The following PACRG variants were observed in gnomAD, a reference collection of about 807,000 sequenced individuals.
PACRG encodes the protein parkin coregulated, also known as parkin coregulated gene protein.
Under a neutral mutation model 29.7 loss-of-function variants are expected in PACRG, and 29 were observed. The ratio of observed to expected loss-of-function variants is 0.98; its 90% confidence interval spans 0.73 to 1.33. The LOEUF is 1.33. PACRG is among the 40% of genes most tolerant of loss of function. PACRG has a pLI of 0.00. For missense variants in PACRG, 279 were observed against 316.2 expected (o/e 0.88, Z 0.89); for synonymous variants, 116 against 118.7 (o/e 0.98, Z 0.15).
intron 4 of PACRG, among the ~76,000 whole-genome samples, chr6:163,279,217 A>C (rs140844501): frequency 0.011 from 1,699 of 152,234 alleles, 34 homozygotes; most frequent in African/African-American, 0.039. Flanking sequence ...ATTCCTTTAC[A>C]AGTTCTAGAA....
At chr6:162,736,818 A>G (rs747997216) in intron 1 of PACRG, among the ~76,000 whole-genome samples, 10 of 152,156 alleles carry the variant, frequency 6.6e-5, no homozygotes, top group Non-Finnish European at 1.2e-4. Context: ...AATACCTTAT[A>G]TGGAATTTTA....
At chr6:162,981,773 T>G (rs1489230807) in intron 2 of PACRG, among the ~76,000 whole-genome samples, 6 of 151,980 alleles carry the variant, frequency 3.9e-5, no homozygotes, top group Non-Finnish European at 1.5e-5. Context: ...GATATATTCC[T>G]AAGTATTTTA....
rs146050916 is a variant in PACRG, at chr6:162,896,927, C to A, written c.291+82646C>A. ...AATAGGCTCTCAGGTTATTAGACAA[C>A]TTAATTAATGAAGAGAAGTGGTGCA... is the stretch of plus-strand genomic sequence containing the variant. On this transcript the variant is annotated intron_variant, in intron 2 of 4. Coordinates refer to ENST00000366888, the MANE Select transcript of PACRG (RefSeq NM_001080379.2). 3.4e-3 allele frequency among the ~76,000 whole-genome samples: 522 copies of A among 152,302 alleles called. 2 individuals are homozygous for A. Among genetic ancestry groups the A allele is most frequent in the African/African-American group, 0.012 (500 of 41,556 alleles).
At chr6:162,950,946 A>C (rs1799603380) in intron 2 of PACRG, among the ~76,000 whole-genome samples, 1 of 152,222 alleles carries the variant, frequency 6.6e-6, no homozygotes. Context: ...ACAGCTTTTA[A>C]TTAATATAAA....
intron 4 of PACRG, among the ~76,000 whole-genome samples, chr6:163,226,161 T>A (rs1209591270): frequency 6.6e-6 from 1 of 152,120 alleles, no homozygotes; most frequent in East Asian, 1.9e-4. Flanking sequence ...AAAGTCAAAT[T>A]CATAGAAGCA....
At chr6:162,786,723 G>GT (rs34982424) in intron 1 of PACRG, among the ~76,000 whole-genome samples, 145 of 148,056 alleles carry the variant, frequency 9.8e-4, no homozygotes, top group Admixed American at 1.5e-3. Context: ...ATAGCAAGTG[G>GT]TTTTTTTTTT....
At chr6:162,820,198 A>T (rs777673579) in intron 2 of PACRG, among the ~76,000 whole-genome samples, 1 of 152,216 alleles carries the variant, frequency 6.6e-6, no homozygotes, top group Non-Finnish European at 1.5e-5. Flanking sequence ...TAGATGCATA[A>T]ATCAGCCTTT....
chr6:163,271,676 G>T (rs188542710), intron 4 of PACRG, among the ~76,000 whole-genome samples: 2 of 152,102 alleles, frequency 1.3e-5, no homozygotes, highest in African/African-American at 4.8e-5. Flanking sequence ...ATGTTTGCCC[G>T]CATATTTTAA....
At chr6:162,804,408 A>T (rs1786141895) in intron 1 of PACRG, among the ~76,000 whole-genome samples, 1 of 152,030 alleles carries the variant, frequency 6.6e-6, no homozygotes, top group South Asian at 2.1e-4. Context: ...AGACAAAGAG[A>T]TTGGGGGTTA....
chr6:163,024,452 G>A (rs991374950), intron 2 of PACRG, among the ~76,000 whole-genome samples: 1 of 152,122 alleles, frequency 6.6e-6, no homozygotes, highest in Non-Finnish European at 1.5e-5. Flanking sequence ...TTTTGTACCA[G>A]TACCATGCTG....
intron 4 of PACRG, among the ~76,000 whole-genome samples, chr6:163,141,628 A>G (rs533743290): frequency 6.6e-6 from 1 of 152,232 alleles, no homozygotes; most frequent in Non-Finnish European, 1.5e-5. Context: ...AAAAATCCAT[A>G]TTAAGCTAAA....
chr6:162,933,178 T>C (rs1441164306), intron 2 of PACRG, among the ~76,000 whole-genome samples: 2 of 152,170 alleles, frequency 1.3e-5, no homozygotes, highest in Non-Finnish European at 2.9e-5. Context: ...TCAAAGTTCT[T>C]ATTATTTCTG....
At chr6:162,989,973 G>A (rs975402619) in intron 2 of PACRG, among the ~76,000 whole-genome samples, 1 of 151,398 alleles carries the variant, frequency 6.6e-6, no homozygotes, top group African/African-American at 2.4e-5. Context: ...CCACCTATGA[G>A]TGAGAATATG....
intron 1 of PACRG, among the ~76,000 whole-genome samples, chr6:162,783,213 C>T (rs1202512900): frequency 6.6e-6 from 1 of 151,802 alleles, no homozygotes; most frequent in Non-Finnish European, 1.5e-5. Context: ...TAGATATTTG[C>T]ATATTTTTAA....
At chr6:162,833,123 G>T (rs987293560) in intron 2 of PACRG, among the ~76,000 whole-genome samples, 30 of 151,982 alleles carry the variant, frequency 2.0e-4, no homozygotes, top group South Asian at 4.1e-4. Context: ...ATAATGAGGT[G>T]AGTTATGAAA....
At chr6:163,162,525 A>G (rs1488022779) in intron 4 of PACRG, among the ~76,000 whole-genome samples, 1 of 152,122 alleles carries the variant, frequency 6.6e-6, no homozygotes, top group African/African-American at 2.4e-5. Flanking sequence ...GCTCCATCTG[A>G]TGCCACAAGA....
At chr6:162,871,314 G>A (rs1380264253) in intron 2 of PACRG, among the ~76,000 whole-genome samples, 1 of 152,138 alleles carries the variant, frequency 6.6e-6, no homozygotes, top group Non-Finnish European at 1.5e-5. Context: ...ATTTTAAATA[G>A]CAAAGATCTG....
chr6:163,208,974 G>C (rs1781024798), intron 4 of PACRG, among the ~76,000 whole-genome samples: 1 of 152,148 alleles, frequency 6.6e-6, no homozygotes, highest in South Asian at 2.1e-4. Flanking sequence ...TTTAAAAGGA[G>C]ATCTCACAGG....
chr6:162,878,153 T>C (rs1793531176), intron 2 of PACRG, among the ~76,000 whole-genome samples: 1 of 152,194 alleles, frequency 6.6e-6, no homozygotes, highest in African/African-American at 2.4e-5. Flanking sequence ...TTTAAATGTT[T>C]GTAAGATGCA....
Sources: allele counts gnomAD v4.1 joint callset (sites outside exome capture counted in the v4.1 genomes callset), GRCh38; gene constraint gnomAD v4.1.1; transcripts MANE v1.5; gene names NCBI Gene and HGNC (gene_info 2026-07-23, HGNC 2026-07-21).